NCALD: variants seen among roughly 807,000 people sequenced by gnomAD.
NCALD encodes the protein neurocalcin-delta.
Under a neutral mutation model 18.6 loss-of-function variants are expected in NCALD, and 10 were observed. That is an observed-to-expected ratio of 0.54 (90% CI 0.33 to 0.91). The LOEUF is 0.91. Ranked by LOEUF, NCALD falls within the 40% of genes least tolerant of loss-of-function variation. The pLI, the probability that NCALD is intolerant of heterozygous loss-of-function variation, is 0.03. For missense variants in NCALD, 184 were observed against 247.6 expected (o/e 0.74, Z 1.72); for synonymous variants, 88 against 87.4 (o/e 1.01, Z -0.04).
chr8:102,002,442 C>T (rs950099171), intron 2 of NCALD, among the ~76,000 whole-genome samples: 2 of 152,082 alleles, frequency 1.3e-5, no homozygotes, highest in African/African-American at 2.4e-5. Flanking sequence ...ACTTTAACAC[C>T]CCACTGTCAA....
intron 4 of NCALD, among the ~76,000 whole-genome samples, chr8:101,873,751 T>C (rs1816113040): frequency 6.6e-6 from 1 of 152,204 alleles, no homozygotes; most frequent in Admixed American, 6.5e-5. Context: ...TGCAAAGCCC[T>C]GAGCTTGGGG....
intron 4 of NCALD, among the ~76,000 whole-genome samples, chr8:101,805,137 T>G (rs1048061596): frequency 6.6e-6 from 1 of 152,164 alleles, no homozygotes; most frequent in South Asian, 2.1e-4. Flanking sequence ...TAAGGGCATA[T>G]AGACAATGCA....
intron 2 of NCALD, among the ~76,000 whole-genome samples, chr8:101,708,609 CACTT>C (rs1815639354): frequency 6.6e-6 from 1 of 152,198 alleles, no homozygotes; most frequent in Non-Finnish European, 1.5e-5. Context: ...ACTGATTTAA[CACTT>C]ACAATCATCC....
At chr8:102,066,277 T>C (rs918224712) in intron 1 of NCALD, among the ~76,000 whole-genome samples, 5 of 152,240 alleles carry the variant, frequency 3.3e-5, no homozygotes, top group African/African-American at 9.6e-5. Flanking sequence ...TCCTGAAATA[T>C]ATTTTATGTT....
At chr8:101,898,540 T>C (rs1317447369) in intron 3 of NCALD, among the ~76,000 whole-genome samples, 1 of 152,190 alleles carries the variant, frequency 6.6e-6, no homozygotes, top group Non-Finnish European at 1.5e-5. Flanking sequence ...TGACTTTTTT[T>C]CTTTTATAGA....
At chr8:101,971,116 A>G (rs1820225100) in intron 2 of NCALD, among the ~76,000 whole-genome samples, 1 of 152,166 alleles carries the variant, frequency 6.6e-6, no homozygotes, top group African/African-American at 2.4e-5. Flanking sequence ...ATACCCTGGG[A>G]CTTTCCAGAC....
intron 4 of NCALD, among the ~76,000 whole-genome samples, chr8:101,839,802 G>T (rs1355082106): frequency 6.6e-6 from 1 of 152,018 alleles, no homozygotes; most frequent in East Asian, 1.9e-4. Context: ...AAGATGGTCA[G>T]GGTAATGAGG....
chr8:101,909,487 G>A (rs1421460086), intron 3 of NCALD, among the ~76,000 whole-genome samples: 1 of 152,094 alleles, frequency 6.6e-6, no homozygotes, highest in Non-Finnish European at 1.5e-5. Context: ...CTTCCACACT[G>A]CCTTCTTCAA....
At chr8:101,774,036 G>A (rs1338499670) in intron 1 of NCALD, among the ~76,000 whole-genome samples, 1 of 152,154 alleles carries the variant, frequency 6.6e-6, no homozygotes, top group African/African-American at 2.4e-5. Context: ...TGACAAGTAA[G>A]GGGATTTTGG....
intron 1 of NCALD, among the ~76,000 whole-genome samples, chr8:102,087,834 A>G (rs1824789243): frequency 6.6e-6 from 1 of 151,732 alleles, no homozygotes; most frequent in African/African-American, 2.4e-5. Context: ...ACTTTTGAGA[A>G]ATGGCTGGGT....
At chr8:101,927,772 C>T (rs539208393) in intron 2 of NCALD, among the ~76,000 whole-genome samples, 8 of 152,194 alleles carry the variant, frequency 5.3e-5, no homozygotes, top group South Asian at 2.1e-4. Context: ...CTCCCAGCTC[C>T]GTGTGGCTTT....
chr8:101,828,851 G>C (rs1318314738), intron 4 of NCALD, among the ~76,000 whole-genome samples: 1 of 150,160 alleles, frequency 6.7e-6, no homozygotes, highest in African/African-American at 2.5e-5. Flanking sequence ...TTTGTTTACT[G>C]TCTGTTTTGT....
chr8:101,911,788 G>C (rs941481078), intron 3 of NCALD, among the ~76,000 whole-genome samples: 5 of 152,286 alleles, frequency 3.3e-5, no homozygotes, highest in African/African-American at 9.6e-5. Flanking sequence ...GACATAAATA[G>C]CAAAGGTTTC....
chr8:101,728,251 T>C (rs1816660236), intron 1 of NCALD, among the ~76,000 whole-genome samples: 2 of 152,336 alleles, frequency 1.3e-5, no homozygotes, highest in South Asian at 2.1e-4. Context: ...TGTGTATTCG[T>C]GGAGGGAAAG....
rs1429982594 is a variant in NCALD, at chr8:101,689,065, A to G, written c.*244T>C. ...AAAAAAATAATAGTAACGATTAAAA[A>G]TCATCAAACAATGAACACCACGAAG... On this transcript the variant is annotated 3_prime_UTR_variant, in exon 4 of 4. Transcript: ENST00000220931. The surrounding 1 kb of genome is among the most constrained non-coding windows in gnomAD (Gnocchi z 4.4). The G allele has an allele frequency of 1.4e-5, 10 of 702,458 alleles. No individual in the cohort carries two copies. The Admixed American group carries it at 2.0e-4, about 14-fold the overall frequency. The allele number at this position is 702,458 out of a possible 1,614,324, so 43.5% of individuals were successfully genotyped here. A position where few individuals can be genotyped will look rare whatever the true frequency, so the allele number is the denominator to read the frequency against.
chr8:101,983,278 C>T (rs776000715), intron 2 of NCALD, among the ~76,000 whole-genome samples: 7 of 152,102 alleles, frequency 4.6e-5, no homozygotes, highest in African/African-American at 1.2e-4. Context: ...GGGGCTCTGC[C>T]GAGGGCTTAT....
chr8:101,849,460 C>T (rs902604115), intron 4 of NCALD, among the ~76,000 whole-genome samples: 3 of 152,134 alleles, frequency 2.0e-5, no homozygotes, highest in Non-Finnish European at 4.4e-5. Flanking sequence ...CATGTTGATT[C>T]ATAGCATAAA....
At chr8:101,888,715 C>T (rs572812138) in intron 3 of NCALD, among the ~76,000 whole-genome samples, 1 of 152,234 alleles carries the variant, frequency 6.6e-6, no homozygotes, top group African/African-American at 2.4e-5. Context: ...CCACACCCAG[C>T]CTGAACTTTC....
chr8:102,080,020 C>T (rs1385294608), intron 1 of NCALD, among the ~76,000 whole-genome samples: 2 of 152,174 alleles, frequency 1.3e-5, no homozygotes, highest in Non-Finnish European at 2.9e-5. Context: ...ACAGGGAAGA[C>T]GTGATTGCAA....
Sources: allele counts gnomAD v4.1 joint callset (sites outside exome capture counted in the v4.1 genomes callset), GRCh38; gene constraint gnomAD v4.1.1; non-coding constraint Gnocchi (gnomAD v3.1); transcripts MANE v1.5; gene names NCBI Gene and HGNC (gene_info 2026-07-23, HGNC 2026-07-21).